SASH1: variants seen among roughly 807,000 people sequenced by gnomAD.
SASH1 encodes SAM and SH3 domain containing 1, also known as SAM and SH3 domain-containing protein 1.
In SASH1, 44 loss-of-function variants were observed where a neutral mutation model predicts 125.2. The observed-to-expected ratio is 0.35, with a 90% CI of 0.28 to 0.45. The LOEUF is 0.45. Among genes scored for constraint, SASH1 ranks in the 20% least tolerant of loss-of-function variants. The pLI, the probability that SASH1 is intolerant of heterozygous loss-of-function variation, is 1.00. For missense variants in SASH1, 1,426 were observed against 1,614.5 expected (o/e 0.88, Z 2.00); for synonymous variants, 639 against 649.1 (o/e 0.98, Z 0.24).
intron 8 of SASH1, among the ~76,000 whole-genome samples, chr6:148,498,220 C>CA (rs200296334): frequency 1.1e-4 from 10 of 92,408 alleles, no homozygotes; most frequent in Admixed American, 2.3e-4. Context: ...CTCATCTCTA[C>CA]AAAAACAAAC....
At chr6:148,493,797 T>C (rs1239219646) in intron 8 of SASH1, among the ~76,000 whole-genome samples, 1 of 152,260 alleles carries the variant, frequency 6.6e-6, no homozygotes, top group African/African-American at 2.4e-5. Context: ...TGTGCTGTTT[T>C]CCATTAATAA....
rs1338785073 is a variant in SASH1, at chr6:148,495,131, A to G, written c.729+7416A>G. On this transcript the variant is annotated intron_variant, in intron 8 of 19. Coordinates refer to ENST00000367467, the MANE Select transcript of SASH1 (RefSeq NM_015278.5). This position sits in a 1 kb window ranked among gnomAD's most constrained non-coding sequence, Gnocchi z 4.0. ...GAACATTCTGAAAGATAATTTGCTA[A>G]TAACAATTCTGGTATGTGCCGAAAG... Among the ~76,000 whole-genome samples the G allele has an allele frequency of 1.3e-5, 2 of 152,240 alleles. No individual in the cohort carries two copies. Among genetic ancestry groups the G allele is most frequent in the African/African-American group, 4.8e-5 (2 of 41,470 alleles).
chr6:148,251,875 T>C, the SASH1 span, among the ~76,000 whole-genome samples: 1 of 128,522 alleles, frequency 7.8e-6, no homozygotes, highest in African/African-American at 2.9e-5. Flanking sequence ...ATGTTCCCCT[T>C]CCTGTGTCCA....
intron 1 of SASH1, among the ~76,000 whole-genome samples, chr6:148,387,620 CTTTCTTTCTT>C (rs1783484228): frequency 1.6e-4 from 4 of 24,696 alleles, no homozygotes; most frequent in African/African-American, 6.4e-4. Flanking sequence ...TTCTTTCTTT[CTTTCTTTCTT>C]TCTTTCTTTC....
intron 16 of SASH1, among the ~76,000 whole-genome samples, chr6:148,538,376 A>T (rs1057126594): frequency 1.3e-5 from 2 of 152,218 alleles, no homozygotes; most frequent in African/African-American, 4.8e-5. Flanking sequence ...GTTGTAATGG[A>T]TAGCACAAAG....
intron 4 of SASH1, among the ~76,000 whole-genome samples, chr6:148,441,314 G>C (rs1776537679): frequency 6.6e-6 from 1 of 152,224 alleles, no homozygotes; most frequent in African/African-American, 2.4e-5. Context: ...TGTGCTGCTG[G>C]CACAGGCGGT....
At chr6:148,340,490 C>CAA (rs67188759), upstream of SASH1, among the ~76,000 whole-genome samples, 2 of 117,302 alleles carry the variant, frequency 1.7e-5, no homozygotes, top group Admixed American at 8.9e-5. Context: ...GACTCTGTCT[C>CAA]AAAAAAAAAA....
upstream of SASH1, among the ~76,000 whole-genome samples, chr6:148,269,156 A>G (rs531518040): frequency 3.5e-4 from 54 of 152,346 alleles, no homozygotes; most frequent in Non-Finnish European, 6.0e-4. Flanking sequence ...AGTCCTTATC[A>G]TTAATAAGAG....
At chr6:148,210,677 A>C in the SASH1 span, among the ~76,000 whole-genome samples, 2 of 152,240 alleles carry the variant, frequency 1.3e-5, no homozygotes. Flanking sequence ...AAAGTGTCTT[A>C]ATTCCCAAAA....
Position 148,544,758 on chromosome 6 carries a change from C to T in SASH1, c.3288C>T (p.Leu1096=). ...CCCGGGGAGTGGATCTAGAAACGCTCACTGAAAACAAGCTGCACGCTGAAG... is the reference window on the plus strand; with the variant it reads ...CCCGGGGAGTGGATCTAGAAACGCTTACTGAAAACAAGCTGCACGCTGAAG... ...SCARGVDLET[L]TENKLHAEGI... is the part of the protein sequence containing the mutation. Residue 1096 remains leucine (L), a synonymous_variant, in exon 18 of 20, where the codon CTC becomes CTT. Transcript: ENST00000367467. This position sits in a 1 kb window ranked among gnomAD's most constrained non-coding sequence, Gnocchi z 6.4. The T allele has an allele frequency of 6.2e-7, 1 of 1,605,598 alleles. No homozygotes were observed. Among genetic ancestry groups the T allele is most frequent in the Admixed American group, 1.7e-5 (1 of 58,578 alleles).
intron 4 of SASH1, among the ~76,000 whole-genome samples, chr6:148,447,927 C>T (rs1170877100): frequency 6.6e-6 from 1 of 152,146 alleles, no homozygotes; most frequent in Admixed American, 6.5e-5. Context: ...CTGTCTCCCA[C>T]TCTCACCATT....
At position 148,495,241 on chromosome 6, in the gene SASH1, T is replaced by C. The variant is rs556312810; in HGVS notation, c.729+7526T>C. ...TTATGACACAAGAAAAGGTTAACAGTGTAATCCCTTTTTATAGAATATGGC... is the reference window on the plus strand; with the variant it reads ...TTATGACACAAGAAAAGGTTAACAGCGTAATCCCTTTTTATAGAATATGGC... On this transcript the variant is annotated intron_variant, in intron 8 of 19. Transcript: ENST00000367467. This position sits in a 1 kb window ranked among gnomAD's most constrained non-coding sequence, Gnocchi z 4.0. Among the ~76,000 whole-genome samples the C allele has an allele frequency of 2.0e-5, 3 of 152,274 alleles. No individual in the cohort carries two copies. In the East Asian group the frequency reaches 5.8e-4, roughly 29 times the overall value.
intron 16 of SASH1, 79 bp from the exon 17 acceptor site, chr6:148,540,364 A>T: frequency 9.3e-7 from 1 of 1,080,366 alleles, no homozygotes; most frequent in Non-Finnish European, 1.4e-6. Context: ...GTAACTGAGG[A>T]TAAAGTCGAG....
chr6:148,360,379 G>A (rs912428859), intron 1 of SASH1, among the ~76,000 whole-genome samples: 3 of 127,542 alleles, frequency 2.4e-5, no homozygotes, highest in African/African-American at 8.9e-5. Context: ...ACAGAGTCTT[G>A]CTCTGTTGCC....
intron 1 of SASH1, among the ~76,000 whole-genome samples, chr6:148,352,753 C>T (rs933141024): frequency 2.0e-5 from 3 of 151,872 alleles, no homozygotes; most frequent in Admixed American, 2.0e-4. Flanking sequence ...AGGTGGATCA[C>T]CTGTCAGGAG....
chr6:148,483,602 G>T (rs935144292), intron 7 of SASH1, among the ~76,000 whole-genome samples: 1 of 152,176 alleles, frequency 6.6e-6, no homozygotes, highest in Non-Finnish European at 1.5e-5. Context: ...GGGGAGCCCT[G>T]GAGGGTGAAT....
At chr6:148,422,536 T>C (rs930111889) in intron 2 of SASH1, among the ~76,000 whole-genome samples, 3 of 152,210 alleles carry the variant, frequency 2.0e-5, no homozygotes, top group African/African-American at 7.2e-5. Context: ...CAGGTAATAA[T>C]TTTGAGCAAT....
At chr6:148,296,218 C>T (rs1415406922) in intron 1 of SASH1, among the ~76,000 whole-genome samples, 1 of 152,106 alleles carries the variant, frequency 6.6e-6, no homozygotes, top group Non-Finnish European at 1.5e-5. Context: ...CTCCGTCTCC[C>T]AGGTTCAAGC....
At chr6:148,325,167 A>G (rs1159171661) in intron 1 of SASH1, among the ~76,000 whole-genome samples, 1 of 152,204 alleles carries the variant, frequency 6.6e-6, no homozygotes, top group Non-Finnish European at 1.5e-5. Flanking sequence ...AGGCTCAGAA[A>G]ACTTACAATC....
Sources: gnomAD v4.1 joint callset for allele counts (sites outside exome capture counted in the v4.1 genomes callset) on GRCh38, gnomAD v4.1.1 for gene constraint, Gnocchi (gnomAD v3.1) non-coding constraint, MANE v1.5 for transcripts, NCBI Gene and HGNC (gene_info 2026-07-23, HGNC 2026-07-21) for gene names.